CDH18: variants seen among roughly 807,000 people sequenced by gnomAD.
The protein encoded by CDH18 is cadherin-18.
Under a neutral mutation model 67.9 loss-of-function variants are expected in CDH18, and 31 were observed. The ratio of observed to expected loss-of-function variants is 0.46; its 90% CI spans 0.34 to 0.62. CDH18 has a LOEUF of 0.62. Ranked by LOEUF, CDH18 falls within the 20% of genes least tolerant of loss-of-function variation. CDH18 has a pLI of 0.01. For synonymous variants in CDH18, 362 were observed against 347.2 expected (o/e 1.04, Z -0.48); for missense variants, 890 against 975.5 (o/e 0.91, Z 1.17).
Position 19,503,098 on chromosome 5 carries a change from G to A in CDH18, c.1524C>T (p.Thr508=). The change falls in exon 11 of 13, where the codon ACC becomes ACT. Residue 508 remains threonine, a synonymous_variant. Transcript: ENST00000382275. ...ENSKPGQVIH[T]ISATDKDDFA... is the part of the protein sequence containing the mutation. The stretch of plus-strand genomic sequence containing the variant: ...AATCATCTTTATCAGTGGCACTGAT[G>A]GTATGAATAACCTAAAGAAAAGACA... The A allele has an allele frequency of 6.4e-7, 1 of 1,555,312 alleles. No individual in the cohort carries two copies. Among genetic ancestry groups the A allele is most frequent in the South Asian group, 1.1e-5 (1 of 89,674 alleles).
At chr5:19,998,049 G>C (rs1736151475) in intron 2 of CDH18, among the ~76,000 whole-genome samples, 1 of 152,140 alleles carries the variant, frequency 6.6e-6, no homozygotes, top group Non-Finnish European at 1.5e-5. Flanking sequence ...CCATGCAGAA[G>C]TTATATTTGT....
At position 20,238,443 on chromosome 5, in the gene CDH18, T is replaced by C. The variant is rs150347150; in HGVS notation, c.-518+17001A>G. 2.3e-4 allele frequency among the ~76,000 whole-genome samples: 35 copies of C among 152,228 alleles called. No individual in the cohort carries two copies. The East Asian group carries it at 6.6e-3, about 29-fold the overall frequency. On this transcript the variant is annotated intron_variant, in intron 2 of 14. Coordinates refer to the CDH18 transcript ENST00000507958. ...AACAGCCATTTTTCCAAAGAAGATA[T>C]ATGTAGGCAAATATGCACATGAGAT...
intron 2 of CDH18, among the ~76,000 whole-genome samples, chr5:20,061,793 G>T (rs1279097872): frequency 6.6e-6 from 1 of 152,158 alleles, no homozygotes; most frequent in Admixed American, 6.5e-5. Context: ...TCATCTGGCT[G>T]TTAAACAAAG....
intron 2 of CDH18, among the ~76,000 whole-genome samples, chr5:20,095,656 T>TC (rs1745931404): frequency 6.6e-6 from 1 of 150,778 alleles, no homozygotes; most frequent in Admixed American, 6.6e-5. Context: ...GCCTGTAAAT[T>TC]TTTTTTTTCA....
chr5:19,734,253 A>T (rs1768005651), intron 4 of CDH18, among the ~76,000 whole-genome samples: 1 of 152,188 alleles, frequency 6.6e-6, no homozygotes, highest in South Asian at 2.1e-4. Context: ...TTCCCCTTTC[A>T]ATTGGAATGC....
intron 10 of CDH18, among the ~76,000 whole-genome samples, chr5:19,509,792 C>T (rs1365176103): frequency 6.6e-6 from 1 of 152,066 alleles, no homozygotes; most frequent in Non-Finnish European, 1.5e-5. Context: ...TTAGGCATAT[C>T]TAAATTTTTC....
chr5:20,275,347 A>G (rs950536972), intron 1 of CDH18, among the ~76,000 whole-genome samples: 1 of 152,086 alleles, frequency 6.6e-6, no homozygotes, highest in African/African-American at 2.4e-5. Context: ...TCCTGCCACC[A>G]TATGAAGAAG....
chr5:19,882,818 C>A (rs1787795648), intron 2 of CDH18, among the ~76,000 whole-genome samples: 1 of 152,072 alleles, frequency 6.6e-6, no homozygotes, highest in Non-Finnish European at 1.5e-5. Flanking sequence ...ATAGATATTA[C>A]TATATTTACA....
At chr5:19,648,766 AC>A (rs1755160501) in intron 5 of CDH18, among the ~76,000 whole-genome samples, 1 of 151,886 alleles carries the variant, frequency 6.6e-6, no homozygotes, top group African/African-American at 2.4e-5. Flanking sequence ...TATTTTTATG[AC>A]CCCAAATATC....
intron 8 of CDH18, among the ~76,000 whole-genome samples, chr5:19,547,356 A>C (rs970630153): frequency 6.6e-6 from 1 of 152,180 alleles, no homozygotes; most frequent in African/African-American, 2.4e-5. Flanking sequence ...GAGGATTCAA[A>C]TTTGGAACTT....
rs568572437 is a variant in CDH18, at chr5:19,839,557, C to T, written c.-256-315G>A. On this transcript the variant is annotated intron_variant, in intron 2 of 12. Transcript: ENST00000382275. ...GACTCATCAAATTTTGACAAAATAT[C>T]CCAAGGGCTGAAAAATTGTCACAGA... is the stretch of plus-strand genomic sequence containing the variant. Among the ~76,000 whole-genome samples, 3 of 152,124 alleles carry T rather than the reference C, an allele frequency of 2.0e-5. No individual in the cohort carries two copies. The South Asian group carries it at 6.2e-4, about 32-fold the overall frequency.
chr5:20,056,700 T>G (rs74939979), intron 2 of CDH18, among the ~76,000 whole-genome samples: 1 of 142,692 alleles, frequency 7.0e-6, no homozygotes, highest in Non-Finnish European at 1.5e-5. Flanking sequence ...TTTTTTTTTT[T>G]TTTGAGACGA....
At position 19,593,729 on chromosome 5, in the gene CDH18, C is replaced by CTTCTTG. The variant is rs1554054998; in HGVS notation, c.812-2486_812-2485insCAAGAA. Among the ~76,000 whole-genome samples, 40 of 141,378 alleles carry CTTCTTG rather than the reference C, an allele frequency of 2.8e-4. 1 individual carries two copies. The highest frequency in any genetic ancestry group is 3.4e-3 in the Middle Eastern group (1 of 290). 92.7% of individuals were successfully genotyped at this position (141,378 alleles called of 152,430 possible). ...CCTCCTTCTTCTTCTTCTTCTTCTT[C>CTTCTTG]TTCTTCTTCTTCTTCTTCTTCTTCT... is the stretch of plus-strand genomic sequence containing the variant. On this transcript the variant is annotated intron_variant, in intron 6 of 12. Coordinates refer to ENST00000382275, the MANE Select transcript of CDH18 (RefSeq NM_004934.5).
At chr5:20,336,951 C>G (rs1739827796) in intron 1 of CDH18, among the ~76,000 whole-genome samples, 1 of 152,088 alleles carries the variant, frequency 6.6e-6, no homozygotes, top group Non-Finnish European at 1.5e-5. Context: ...TGGACTCACT[C>G]TGGCCAACCC....
chr5:20,563,644 T>C (rs1210809206), intron 1 of CDH18, among the ~76,000 whole-genome samples: 1 of 152,068 alleles, frequency 6.6e-6, no homozygotes, highest in Non-Finnish European at 1.5e-5. Context: ...GTTCATGAGT[T>C]TGAGAATCTT....
At chr5:20,113,762 T>G (rs1580272625) in intron 2 of CDH18, among the ~76,000 whole-genome samples, 1 of 151,968 alleles carries the variant, frequency 6.6e-6, no homozygotes, top group South Asian at 2.1e-4. Flanking sequence ...GCTAGGGAAA[T>G]ATTGACAAAG....
intron 1 of CDH18, among the ~76,000 whole-genome samples, chr5:20,461,517 G>T (rs1283350342): frequency 6.6e-6 from 1 of 151,956 alleles, no homozygotes; most frequent in Non-Finnish European, 1.5e-5. Context: ...CCTGATTATG[G>T]CAATCACTTT....
At chr5:19,875,894 A>T (rs1786936170) in intron 2 of CDH18, among the ~76,000 whole-genome samples, 1 of 48,292 alleles carries the variant, frequency 2.1e-5, no homozygotes, top group Non-Finnish European at 8.6e-5. Context: ...TTTTAATTGT[A>T]ACTTTTTTTT....
At chr5:20,485,627 T>A (rs912985077) in intron 1 of CDH18, among the ~76,000 whole-genome samples, 3 of 151,774 alleles carry the variant, frequency 2.0e-5, no homozygotes, top group African/African-American at 7.3e-5. Context: ...GTCTCAATTC[T>A]TCCATCAAAA....
Sources: allele counts gnomAD v4.1 joint callset (sites outside exome capture counted in the v4.1 genomes callset), GRCh38; gene constraint gnomAD v4.1.1; transcripts MANE v1.5; gene names NCBI Gene and HGNC (gene_info 2026-07-23, HGNC 2026-07-21).